Variants in PRH1 observed in about 807,000 individuals in gnomAD.
The protein encoded by PRH1 is proline rich protein HaeIII subfamily 1, also known as salivary acidic proline-rich phosphoprotein 1/2.
PRH1 carries 7 observed loss-of-function variants against 7.9 expected under a neutral mutation model. The ratio of observed to expected loss-of-function variants is 0.89; its 90% CI spans 0.50 to 1.67. The LOEUF (loss-of-function observed/expected upper bound fraction) is 1.67, where lower values mean the gene tolerates loss of function less well. Among genes scored for constraint, PRH1 ranks in the 40% most tolerant of loss-of-function variants. PRH1 has a pLI of 0.00. For missense variants in PRH1, 109 were observed against 223.6 expected, an observed-to-expected ratio of 0.49 and a Z score of 3.27; for synonymous variants, 45 against 80.8, an observed-to-expected ratio of 0.56 and a Z score of 2.38.
At chr12:11,131,285 C>T (rs1946332772) in intron 1 of PRH1, among the ~76,000 whole-genome samples, 1 of 150,604 alleles carries the variant, frequency 6.6e-6, no homozygotes, top group African/African-American at 2.4e-5. Flanking sequence ...ATCTGATGAC[C>T]ACCATGCTGT....
intron 1 of PRH1, among the ~76,000 whole-genome samples, chr12:11,147,790 G>A (rs2136414940): frequency 6.6e-6 from 1 of 152,270 alleles, no homozygotes; most frequent in Non-Finnish European, 1.5e-5. Context: ...TAAGATATCA[G>A]TGAACTTTAA....
At chr12:10,995,859 T>C (rs558393103) in intron 1 of PRH1, among the ~76,000 whole-genome samples, 5 of 152,258 alleles carry the variant, frequency 3.3e-5, no homozygotes, top group African/African-American at 1.2e-4. Context: ...TGTTTCTTCA[T>C]CCTTTTTATA....
intron 1 of PRH1, chr12:11,171,176 A>G: frequency 2.5e-6 from 1 of 398,456 alleles, no homozygotes; most frequent in Non-Finnish European, 4.4e-6. Flanking sequence ...GAAGGGGCGG[A>G]GCGCCAGCGG....
chr12:11,114,458 A>G (rs936049111), intron 1 of PRH1, among the ~76,000 whole-genome samples: 12 of 152,170 alleles, frequency 7.9e-5, no homozygotes, highest in Admixed American at 6.5e-5. Flanking sequence ...AACAATGAGA[A>G]CACATGGACA....
rs375925310 is a variant in PRH1 at position 11,003,153 on chromosome 12, A to G, written c.-125-29432T>C. ...CTTTTTTAAATTAATTTTTAAAAGT[A>G]TAAAATTTTATCCCTATTTCTTACT... On this transcript the variant is annotated intron_variant, in intron 1 of 3. Coordinates refer to the PRH1 transcript ENST00000539853. Among the ~76,000 whole-genome samples, 6 of 152,046 alleles carry G rather than the reference A, an allele frequency of 3.9e-5. No individual in the cohort carries two copies. In the East Asian group the frequency reaches 9.6e-4, roughly 24 times the overall value.
chr12:11,053,261 T>C (rs1454834337), intron 1 of PRH1, among the ~76,000 whole-genome samples: 2 of 152,190 alleles, frequency 1.3e-5, no homozygotes, highest in African/African-American at 4.8e-5. Context: ...GAAAAGGTGC[T>C]CTGTGCCTTT....
In PRH1 at chr12:10,889,488, T is replaced by A. The variant is rs1467853550; in HGVS notation, c.-58-5213A>T. Reference sequence around the variant, plus strand: ...AATTGGACAATGAATTTTCCTGGAATGGATTTCATTGGTTGTATTCTGGTT... The same window carrying A: ...AATTGGACAATGAATTTTCCTGGAAAGGATTTCATTGGTTGTATTCTGGTT... On this transcript the variant is annotated intron_variant, in intron 2 of 3. Coordinates refer to the PRH1 transcript ENST00000539853. Among the ~76,000 whole-genome samples the A allele has an allele frequency of 1.3e-5, 2 of 152,198 alleles. 1 individual carries two copies. The highest frequency in any genetic ancestry group is 3.8e-4 in the East Asian group (2 of 5,200).
intron 1 of PRH1, among the ~76,000 whole-genome samples, chr12:11,083,564 A>G (rs1330374504): frequency 6.7e-5 from 1 of 14,906 alleles, no homozygotes; most frequent in East Asian, 0.056. Context: ...ATAAGGTCTA[A>G]ATGTACAGTA....
intron 1 of PRH1, chr12:11,022,295 G>T (rs202167741): frequency 1.9e-6 from 3 of 1,614,148 alleles, no homozygotes; most frequent in Non-Finnish European, 1.7e-6. Flanking sequence ...ATGCTGAAAT[G>T]GTTCGTTACA....
At chr12:10,949,374 A>G (rs1358962655) in intron 2 of PRH1, among the ~76,000 whole-genome samples, 1 of 152,224 alleles carries the variant, frequency 6.6e-6, no homozygotes, top group Non-Finnish European at 1.5e-5. Flanking sequence ...TTAGTCCAAG[A>G]GTGGCAAGGG....
chr12:10,892,751 C>T (rs562633647), intron 2 of PRH1, among the ~76,000 whole-genome samples: 1 of 152,256 alleles, frequency 6.6e-6, no homozygotes, highest in East Asian at 1.9e-4. Flanking sequence ...AAGAACACAG[C>T]TTTGAGAATT....
At chr12:10,938,844 G>A in intron 2 of PRH1, 1 of 1,613,544 alleles carries the variant, frequency 6.2e-7, no homozygotes, top group Non-Finnish European at 8.5e-7. Flanking sequence ...CTCCACTTTA[G>A]GTAGAGAAAA....
chr12:11,111,706 A>T (rs567384594), intron 1 of PRH1, among the ~76,000 whole-genome samples: 36 of 152,354 alleles, frequency 2.4e-4, no homozygotes, highest in African/African-American at 8.7e-4. Flanking sequence ...AGTGGGAAAG[A>T]TCTAAAGTTG....
chr12:11,161,473 T>C (rs1336387829), intron 1 of PRH1, among the ~76,000 whole-genome samples: 4 of 152,110 alleles, frequency 2.6e-5, no homozygotes, highest in Admixed American at 6.5e-5. Flanking sequence ...TTATATGCAA[T>C]AACTTAGAAG....
At chr12:10,887,813 C>T (rs572565265), upstream of PRH1, among the ~76,000 whole-genome samples, 1 of 152,044 alleles carries the variant, frequency 6.6e-6, no homozygotes, top group Non-Finnish European at 1.5e-5. Context: ...CTTTGTAATT[C>T]CAGTTTAACC....
intron 1 of PRH1, chr12:10,986,501 A>G (rs527855862): frequency 7.4e-6 from 12 of 1,614,080 alleles, no homozygotes; most frequent in Middle Eastern, 3.3e-4. Context: ...TCCTCTTTAA[A>G]TGAAGAAAAA....
At chr12:11,115,799 T>A (rs1359618564) in intron 1 of PRH1, among the ~76,000 whole-genome samples, 1 of 151,914 alleles carries the variant, frequency 6.6e-6, no homozygotes, top group African/African-American at 2.4e-5. Flanking sequence ...GAATGACCAG[T>A]AGGTCATCAA....
At chr12:11,091,536 T>C (rs538867705) in intron 1 of PRH1, 4 of 1,458,420 alleles carry the variant, frequency 2.7e-6, no homozygotes, top group Non-Finnish European at 3.8e-6. Flanking sequence ...AGGAAGGAGA[T>C]CACAGTTTGC....
chr12:11,165,961 G>A (rs1947563720), intron 1 of PRH1: 1 of 152,266 alleles, frequency 6.6e-6, no homozygotes, highest in South Asian at 2.1e-4. Context: ...GTGGGGCAAT[G>A]GGAGCTCTTT....
Sources: gnomAD v4.1 joint callset for allele counts (sites outside exome capture counted in the v4.1 genomes callset) on GRCh38, gnomAD v4.1.1 for gene constraint, MANE v1.5 for transcripts, NCBI Gene and HGNC (gene_info 2026-07-23, HGNC 2026-07-21) for gene names.